The following PCDHA12 variants were observed in gnomAD, a reference collection of about 807,000 sequenced individuals.
PCDHA12 encodes protocadherin alpha-12.
Under a neutral mutation model 60.0 loss-of-function variants are expected in PCDHA12, and 44 were observed. The ratio of observed to expected loss-of-function variants is 0.73; its 90% confidence interval spans 0.58 to 0.94. The LOEUF (loss-of-function observed/expected upper bound fraction) is 0.94, where lower values mean the gene tolerates loss of function less well. PCDHA12 is among the 40% of genes least tolerant of loss of function. The pLI, the probability that PCDHA12 is intolerant of heterozygous loss-of-function variation, is 0.00. For missense variants in PCDHA12, 1,276 were observed against 1,239.7 expected (o/e 1.03, Z -0.44); for synonymous variants, 569 against 553.0 (o/e 1.03, Z -0.40).
At chr5:140,980,948 G>C (rs72802987) in intron 2 of PCDHA12, among the ~76,000 whole-genome samples, 1 of 152,206 alleles carries the variant, frequency 6.6e-6, no homozygotes, top group Non-Finnish European at 1.5e-5. Flanking sequence ...CTGGCTCCAG[G>C]ATAGTTACAC....
intron 1 of PCDHA12, among the ~76,000 whole-genome samples, chr5:140,889,267 A>T (rs1376262292): frequency 6.6e-6 from 1 of 151,966 alleles, no homozygotes; most frequent in Non-Finnish European, 1.5e-5. Context: ...AAGTTTGTAT[A>T]ATCTTTGAAT....
intron 1 of PCDHA12, among the ~76,000 whole-genome samples, chr5:140,906,614 TTTG>T (rs1448753363): frequency 6.6e-6 from 1 of 152,208 alleles, no homozygotes; most frequent in Non-Finnish European, 1.5e-5. Flanking sequence ...CTGTATTCCC[TTTG>T]CCTTCAGCAA....
intron 1 of PCDHA12, among the ~76,000 whole-genome samples, chr5:140,912,342 TA>T (rs1371454067): frequency 9.7e-5 from 12 of 123,478 alleles, no homozygotes; most frequent in African/African-American, 4.4e-4. Context: ...GTACACTAAG[TA>T]TTTTTTTTTT....
chr5:140,887,857 G>A lies in PCDHA12; in HGVS notation c.2367+10018G>A, dbSNP rs139840938. Among the ~76,000 whole-genome samples the A allele has an allele frequency of 2.6e-3, 395 of 152,084 alleles. 2 individuals carry two copies. The highest frequency in any genetic ancestry group is 9.3e-3 in the African/African-American group (384 of 41,488). ...TATCTTTTATTGACATATTTTCCAAGTTCACTAATTTTTCCTTTTGTAGTA... is the reference window on the plus strand; with the variant it reads ...TATCTTTTATTGACATATTTTCCAAATTCACTAATTTTTCCTTTTGTAGTA... On this transcript the variant is annotated intron_variant, in intron 1 of 3. Coordinates refer to ENST00000398631, the MANE Select transcript of PCDHA12 (RefSeq NM_018903.4).
intron 1 of PCDHA12, among the ~76,000 whole-genome samples, chr5:140,971,291 C>T (rs541777110): frequency 1.1e-4 from 17 of 152,164 alleles, no homozygotes; most frequent in Admixed American, 3.3e-4. Flanking sequence ...TTAATATGTA[C>T]TTTGGTACAC....
At chr5:140,927,366 A>C in intron 1 of PCDHA12, 1 of 1,614,088 alleles carries the variant, frequency 6.2e-7, no homozygotes, top group Non-Finnish European at 8.5e-7. Context: ...GCAATGGGAT[A>C]CTAAGCTACA....
chr5:140,888,606 G>A (rs2061900283), intron 1 of PCDHA12, among the ~76,000 whole-genome samples: 2 of 152,180 alleles, frequency 1.3e-5, no homozygotes, highest in African/African-American at 4.8e-5. Context: ...GCAGCTTTTA[G>A]TGTAGCACTA....
intron 2 of PCDHA12, among the ~76,000 whole-genome samples, chr5:140,981,892 G>A (rs1245605619): frequency 2.0e-5 from 3 of 152,122 alleles, no homozygotes; most frequent in Non-Finnish European, 2.9e-5. Flanking sequence ...TCTTCTGAGC[G>A]GGGATCTGTG....
At position 140,876,143 on chromosome 5, in the gene PCDHA12, G is replaced by A; in HGVS notation, c.671G>A (p.Gly224Glu). Reference protein sequence around the residue: ...VIDGGKPELTGSVQIQITVLD... With the variant: ...VIDGGKPELTESVQIQITVLD... ...GATGGCGGTAAACCAGAACTAACAG[G>A]GTCTGTCCAGATTCAAATAACCGTC... The change falls in exon 1 of 4, where the codon GGG (glycine) becomes GAG (glutamate). Residue 224 changes from glycine to glutamate, a missense_variant. Physicochemically the swap from Gly to Glu is moderately conservative, Grantham distance 98. Coordinates refer to ENST00000398631, the MANE Select transcript of PCDHA12 (RefSeq NM_018903.4). 1 of 1,613,870 alleles carries A rather than the reference G, an allele frequency of 6.2e-7. No homozygotes were observed. Among genetic ancestry groups the A allele is most frequent in the South Asian group, 1.1e-5 (1 of 91,090 alleles).
chr5:140,986,018 C>T (rs943946792), intron 3 of PCDHA12, among the ~76,000 whole-genome samples: 2 of 152,110 alleles, frequency 1.3e-5, no homozygotes, highest in African/African-American at 2.4e-5. Flanking sequence ...GGATTACAGG[C>T]GTGAGCCACT....
At chr5:140,883,003 C>A in intron 1 of PCDHA12, 5 of 1,614,050 alleles carry the variant, frequency 3.1e-6, no homozygotes, top group Non-Finnish European at 4.2e-6. Flanking sequence ...TTTACCAATC[C>A]GTTTATAAAG....
intron 1 of PCDHA12, among the ~76,000 whole-genome samples, chr5:140,892,451 C>A (rs782296222): frequency 1.2e-4 from 19 of 152,128 alleles, no homozygotes; most frequent in Non-Finnish European, 2.5e-4. Flanking sequence ...TACATGTATT[C>A]TTTAAGTACG....
chr5:140,923,498 C>T (rs1233893951), intron 1 of PCDHA12, among the ~76,000 whole-genome samples: 2 of 152,018 alleles, frequency 1.3e-5, no homozygotes, highest in African/African-American at 4.8e-5. Context: ...CACTGCACTC[C>T]AGCCTGGATG....
chr5:140,916,979 G>A (rs1280720524), intron 1 of PCDHA12, among the ~76,000 whole-genome samples: 1 of 152,144 alleles, frequency 6.6e-6, no homozygotes, highest in African/African-American at 2.4e-5. Flanking sequence ...TGAGTGATTC[G>A]CCTCTGGCCA....
Position 140,931,736 on chromosome 5 carries a change from G to T in PCDHA12, c.2368-47213G>T, listed in dbSNP as rs550065133. On this transcript the variant is annotated intron_variant, in intron 1 of 3. Transcript: ENST00000398631. ...TAACTTCTATAAATATGGGGTATTT[G>T]TAATTCACAAAGGCATTTGTTATTT... is the stretch of plus-strand genomic sequence containing the variant. Among the ~76,000 whole-genome samples, 307 of 152,008 alleles carry T rather than the reference G, an allele frequency of 2.0e-3. 3 individuals carry two copies. The highest frequency in any genetic ancestry group is 7.2e-3 in the African/African-American group (300 of 41,524).
At chr5:140,980,713 C>T (rs1034858406) in intron 2 of PCDHA12, among the ~76,000 whole-genome samples, 2 of 151,366 alleles carry the variant, frequency 1.3e-5, no homozygotes, top group Non-Finnish European at 2.9e-5. Flanking sequence ...TGCTCCTATT[C>T]GGGTTTCAAT....
At chr5:140,946,948 T>C (rs1315606645) in intron 1 of PCDHA12, among the ~76,000 whole-genome samples, 2 of 151,534 alleles carry the variant, frequency 1.3e-5, no homozygotes, top group African/African-American at 4.8e-5. Context: ...TTAAGAATAA[T>C]GTATATTTCA....
chr5:140,976,623 A>T (rs2096725019), intron 1 of PCDHA12, among the ~76,000 whole-genome samples: 1 of 152,206 alleles, frequency 6.6e-6, no homozygotes, highest in Non-Finnish European at 1.5e-5. Context: ...CTGTCAGCTG[A>T]ACTCAGCAAT....
At chr5:140,924,244 C>G (rs1375839311) in intron 1 of PCDHA12, among the ~76,000 whole-genome samples, 1 of 152,152 alleles carries the variant, frequency 6.6e-6, no homozygotes, top group Non-Finnish European at 1.5e-5. Context: ...TGTTTTGCAT[C>G]CTGGTGAGAT....
Sources: gnomAD v4.1 joint callset for allele counts (sites outside exome capture counted in the v4.1 genomes callset) on GRCh38, gnomAD v4.1.1 for gene constraint, MANE v1.5 for transcripts, NCBI Gene and HGNC (gene_info 2026-07-23, HGNC 2026-07-21) for gene names.